The following ARID5B variants were observed in gnomAD, a reference collection of about 807,000 sequenced individuals.
The protein encoded by ARID5B is AT-rich interaction domain 5B.
Under a neutral mutation model 97.2 loss-of-function variants are expected in ARID5B, and 13 were observed. The ratio of observed to expected loss-of-function variants is 0.13; its 90% CI spans 0.09 to 0.21. ARID5B has a LOEUF of 0.21. Ranked by LOEUF, ARID5B falls within the 10% of genes least tolerant of loss-of-function variation. The probability of loss-of-function intolerance (pLI) is 1.00; values close to 1 mark genes in which losing one functional copy is unlikely to be tolerated. For synonymous variants in ARID5B, 556 were observed against 570.3 expected (o/e 0.97, Z 0.36); for missense variants, 1,210 against 1,465.3 (o/e 0.83, Z 2.84).
intron 2 of ARID5B, among the ~76,000 whole-genome samples, chr10:61,930,884 T>C (rs193076214): frequency 6.6e-6 from 1 of 152,242 alleles, no homozygotes; most frequent in African/African-American, 2.4e-5. Flanking sequence ...GCTGGTACAT[T>C]GACTATTGCT....
At chr10:61,906,614 A>G (rs1843712565) in intron 2 of ARID5B, among the ~76,000 whole-genome samples, 1 of 152,212 alleles carries the variant, frequency 6.6e-6, no homozygotes, top group Admixed American at 6.5e-5. Context: ...AGTCAAGATC[A>G]GGCATACCTG....
chr10:61,983,509 C>T (rs1564619703), intron 3 of ARID5B, among the ~76,000 whole-genome samples: 1 of 152,100 alleles, frequency 6.6e-6, no homozygotes, highest in Non-Finnish European at 1.5e-5. Context: ...AATTGTGCTT[C>T]GCAAATTACA....
rs1838760160 is a variant in ARID5B, at chr10:61,980,315, G to GA, written c.503-19774dup. Among the ~76,000 whole-genome samples, 3 of 152,280 alleles carry GA rather than the reference G, an allele frequency of 2.0e-5. No individual in the cohort carries two copies. The South Asian group carries it at 6.2e-4, about 32-fold the overall frequency. ...CTGTCATTTTACAGAGCCAGAGAATGAAGCCCTTCTTTGCCCATGGTTACA... is the reference window on the plus strand; with the variant it reads ...CTGTCATTTTACAGAGCCAGAGAATGAAAGCCCTTCTTTGCCCATGGTTACA... On this transcript the variant is annotated intron_variant, in intron 3 of 9. Coordinates refer to ENST00000279873, the MANE Select transcript of ARID5B (RefSeq NM_032199.3).
chr10:62,059,410 C>T, intron 7 of ARID5B, 115 bp downstream of exon 7: 2 of 818,214 alleles, frequency 2.4e-6, no homozygotes, highest in Non-Finnish European at 3.9e-6. Context: ...TTTCAAATGG[C>T]TCTACACTTT....
At chr10:62,072,997 A>G (rs1840084682) in intron 8 of ARID5B, among the ~76,000 whole-genome samples, 1 of 152,260 alleles carries the variant, frequency 6.6e-6, no homozygotes, top group Admixed American at 6.5e-5. Flanking sequence ...CAGATAAAAC[A>G]GAGATGACTG....
At chr10:62,082,883 G>A (rs978448152) in intron 8 of ARID5B, among the ~76,000 whole-genome samples, 1 of 152,126 alleles carries the variant, frequency 6.6e-6, no homozygotes, top group East Asian at 1.9e-4. Flanking sequence ...ATTGTGTGCC[G>A]TGCGAGACCG....
chr10:61,903,495 T>G (rs1217393921), intron 2 of ARID5B, among the ~76,000 whole-genome samples: 2 of 151,860 alleles, frequency 1.3e-5, no homozygotes, highest in Non-Finnish European at 2.9e-5. Flanking sequence ...TTGGGGAGTC[T>G]GTGCCCACGG....
chr10:61,944,595 CTTTATTGG>C (rs1459974782), intron 3 of ARID5B, among the ~76,000 whole-genome samples: 2 of 152,064 alleles, frequency 1.3e-5, no homozygotes, highest in Non-Finnish European at 2.9e-5. Flanking sequence ...GCAGTGTAAG[CTTTATTGG>C]CCTATAAATA....
chr10:61,913,593 C>T (rs1843846357), intron 2 of ARID5B, among the ~76,000 whole-genome samples: 1 of 152,174 alleles, frequency 6.6e-6, no homozygotes, highest in Non-Finnish European at 1.5e-5. Context: ...AGGTCATGTG[C>T]TGAGGAAAGT....
At chr10:61,974,451 A>G (rs1347455831) in intron 3 of ARID5B, among the ~76,000 whole-genome samples, 1 of 152,206 alleles carries the variant, frequency 6.6e-6, no homozygotes, top group Non-Finnish European at 1.5e-5. Flanking sequence ...CTAGCATTCC[A>G]GAAATCATGA....
chr10:62,039,930 AAAAAGTCAGACCATT>A (rs1363837211), intron 4 of ARID5B, among the ~76,000 whole-genome samples: 2 of 152,228 alleles, frequency 1.3e-5, no homozygotes, highest in African/African-American at 4.8e-5. Context: ...TGAAATGTCC[AAAAAGTCAGACCATT>A]AACTTACTCA....
chr10:62,072,456 G>C (rs1840077803), intron 8 of ARID5B, among the ~76,000 whole-genome samples: 1 of 152,218 alleles, frequency 6.6e-6, no homozygotes, highest in Non-Finnish European at 1.5e-5. Flanking sequence ...CAGAATTCCA[G>C]TCCTAGCATC....
chr10:61,976,486 A>G (rs1838700348), intron 3 of ARID5B, among the ~76,000 whole-genome samples: 1 of 152,228 alleles, frequency 6.6e-6, no homozygotes, highest in Admixed American at 6.5e-5. Flanking sequence ...GCCAAGGCTC[A>G]GGAAATTGGT....
intron 2 of ARID5B, among the ~76,000 whole-genome samples, chr10:61,908,792 T>C (rs1334689946): frequency 2.2e-5 from 2 of 89,548 alleles, no homozygotes; most frequent in African/African-American, 4.8e-5. Flanking sequence ...AGAGCAAGAC[T>C]CCATCTCAAA....
intron 4 of ARID5B, among the ~76,000 whole-genome samples, chr10:62,041,121 C>T (rs544463598): frequency 1.6e-4 from 25 of 152,330 alleles, no homozygotes; most frequent in Admixed American, 1.5e-3. Flanking sequence ...TGCCTCTCCA[C>T]GCCCACTCCA....
At chr10:62,003,538 G>A (rs1239357978) in intron 4 of ARID5B, among the ~76,000 whole-genome samples, 1 of 152,174 alleles carries the variant, frequency 6.6e-6, no homozygotes, top group African/African-American at 2.4e-5. Context: ...CCTTCACCCT[G>A]GATCAACTGT....
chr10:62,076,994 C>T (rs1840146646), intron 8 of ARID5B, among the ~76,000 whole-genome samples: 1 of 152,200 alleles, frequency 6.6e-6, no homozygotes, highest in African/African-American at 2.4e-5. Flanking sequence ...CTAGCCCTAT[C>T]AACAACCAGA....
rs921212152 is a variant in ARID5B at position 62,090,867 on chromosome 10, A to G, written c.1404A>G (p.Ser468=). The G allele has an allele frequency of 6.4e-7, 1 of 1,573,280 alleles. No homozygotes were observed. The highest frequency in any genetic ancestry group is 8.6e-7 in the Non-Finnish European group (1 of 1,167,034). The change falls in exon 10 of 10, where the codon TCA becomes TCG. Residue 468 remains serine, a synonymous_variant. Transcript: ENST00000279873. The stretch of plus-strand genomic sequence containing the variant: ...CTTTTGAAATATGTTACCAGGTTTC[A>G]TCAGAGCAAGAAAAAGAACAAGAGA... ...APKPQDAAEV[S]SEQEKEQETL...
intron 4 of ARID5B, among the ~76,000 whole-genome samples, chr10:62,006,842 T>C (rs1047261689): frequency 4.6e-5 from 7 of 152,294 alleles, no homozygotes; most frequent in Middle Eastern, 3.4e-3. Context: ...AAAGGAGATT[T>C]AAAAATAACT....
Sources: allele counts gnomAD v4.1 joint callset (sites outside exome capture counted in the v4.1 genomes callset), GRCh38; gene constraint gnomAD v4.1.1; transcripts MANE v1.5; gene names NCBI Gene and HGNC (gene_info 2026-07-23, HGNC 2026-07-21).